The following LRRC72 variants were observed in gnomAD, a reference collection of about 807,000 sequenced individuals.
LRRC72 encodes the protein leucine rich repeat containing 72.
Under a neutral mutation model 35.8 loss-of-function variants are expected in LRRC72, and 41 were observed. The observed-to-expected ratio is 1.15, with a 90% CI of 0.89 to 1.49. LRRC72 has a LOEUF of 1.49. LRRC72 is among the 40% of genes most tolerant of loss of function. LRRC72 has a pLI of 0.00. For missense variants in LRRC72, 389 were observed against 330.7 expected (o/e 1.18, Z -1.37); for synonymous variants, 118 against 119.2 (o/e 0.99, Z 0.07).
chr7:16,554,011 G>A (rs1782602525), intron 3 of LRRC72, among the ~76,000 whole-genome samples: 1 of 152,174 alleles, frequency 6.6e-6, no homozygotes, highest in Non-Finnish European at 1.5e-5. Flanking sequence ...CAGTAATATA[G>A]ATTTCTCTAA....
rs117124777 is a variant in LRRC72, at chr7:16,542,228, C to G, written c.234+4532C>G. 1.6e-3 allele frequency among the ~76,000 whole-genome samples: 240 copies of G among 152,248 alleles called. 7 individuals carry two copies. In the East Asian group the frequency reaches 0.035, roughly 22 times the overall value. On this transcript the variant is annotated intron_variant, in intron 3 of 8. Transcript: ENST00000401542. ...ATTGAATATTCACAAAATGGACTTGCAGATGCACCTGCGCTTAGAAAGGGA... is the reference window on the plus strand; with the variant it reads ...ATTGAATATTCACAAAATGGACTTGGAGATGCACCTGCGCTTAGAAAGGGA...
At chr7:16,544,439 A>G (rs918892860) in intron 3 of LRRC72, among the ~76,000 whole-genome samples, 1 of 152,106 alleles carries the variant, frequency 6.6e-6, no homozygotes, top group Admixed American at 6.6e-5. Flanking sequence ...TTTTGAGATC[A>G]TGTTTTCCTA....
chr7:16,576,661 C>T (rs946357503), intron 7 of LRRC72, among the ~76,000 whole-genome samples: 4 of 152,144 alleles, frequency 2.6e-5, no homozygotes, highest in Admixed American at 1.3e-4. Context: ...ACCTGATTTG[C>T]AGATTTTTCA....
chr7:16,539,696 TGCTTCCCA>T (rs201080242), intron 3 of LRRC72, among the ~76,000 whole-genome samples: 1,985 of 152,318 alleles, frequency 0.013, 39 homozygotes, highest in African/African-American at 0.045. Context: ...CTTGATGCCC[TGCTTCCCA>T]GCCACTCCAG....
At chr7:16,537,254 G>A (rs1782273060) in intron 2 of LRRC72, 1 of 164,994 alleles carries the variant, frequency 6.1e-6, no homozygotes, top group Non-Finnish European at 1.3e-5. Context: ...ATTGAAGCAG[G>A]ACCCAGCTAC....
intron 3 of LRRC72, among the ~76,000 whole-genome samples, chr7:16,554,197 G>A (rs1782608751): frequency 1.3e-5 from 2 of 152,158 alleles, no homozygotes; most frequent in Non-Finnish European, 2.9e-5. Context: ...GGGTGCGGTG[G>A]CACACGCCTG....
At chr7:16,537,593 G>T in intron 2 of LRRC72, 34 bp from the exon 3 acceptor site, 1 of 1,325,090 alleles carries the variant, frequency 7.5e-7, no homozygotes, top group African/African-American at 1.5e-5. Flanking sequence ...TGAACTAATT[G>T]TTGCTAATGT....
At chr7:16,552,638 T>C (rs1251635698) in intron 3 of LRRC72, among the ~76,000 whole-genome samples, 1 of 152,122 alleles carries the variant, frequency 6.6e-6, no homozygotes, top group African/African-American at 2.4e-5. Flanking sequence ...GAACACCACC[T>C]AAGAGGTGGG....
chr7:16,556,892 G>C (rs1782658507), intron 3 of LRRC72, among the ~76,000 whole-genome samples: 1 of 152,110 alleles, frequency 6.6e-6, no homozygotes, highest in Non-Finnish European at 1.5e-5. Flanking sequence ...AGTGTACCAA[G>C]AAGAAAAGAC....
intron 2 of LRRC72, 165 bp downstream of exon 2, chr7:16,532,733 C>T (rs967447409): frequency 3.0e-6 from 2 of 673,062 alleles, no homozygotes; most frequent in African/African-American, 4.1e-5. Context: ...ATTGGAGAGA[C>T]AAGATACTGA....
chr7:16,576,975 A>G (rs1783053110), intron 7 of LRRC72, among the ~76,000 whole-genome samples: 1 of 152,260 alleles, frequency 6.6e-6, no homozygotes, highest in Non-Finnish European at 1.5e-5. Flanking sequence ...AAGGCAGGAC[A>G]CAATCCAGAG....
intron 7 of LRRC72, among the ~76,000 whole-genome samples, chr7:16,567,964 G>T (rs1463240490): frequency 6.6e-6 from 1 of 152,070 alleles, no homozygotes; most frequent in Non-Finnish European, 1.5e-5. Flanking sequence ...CTACCATGCA[G>T]AAATAAGCAC....
At chr7:16,550,172 G>A (rs966306682) in intron 3 of LRRC72, among the ~76,000 whole-genome samples, 3 of 151,856 alleles carry the variant, frequency 2.0e-5, no homozygotes, top group South Asian at 2.1e-4. Context: ...GACTGTGATC[G>A]CACCACTGCA....
chr7:16,526,848 T>C lies in LRRC72; in HGVS notation c.-105T>C. 1 of 883,184 alleles carries C rather than the reference T, an allele frequency of 1.1e-6. No individual in the cohort carries two copies. The highest frequency in any genetic ancestry group is 1.8e-6 in the Non-Finnish European group (1 of 555,530). 54.7% of individuals were successfully genotyped at this position (883,184 alleles called of 1,614,324 possible). ...TTAGTCAACGGGAATGCGGTAACTG[T>C]TGGTAACAGAACAACGAGCTGTGCA... On this transcript the variant is annotated 5_prime_UTR_variant, in exon 1 of 9. Coordinates refer to ENST00000401542, the MANE Select transcript of LRRC72 (RefSeq NM_001195280.2).
chr7:16,551,282 G>A (rs1782543651), intron 3 of LRRC72, among the ~76,000 whole-genome samples: 2 of 152,258 alleles, frequency 1.3e-5, no homozygotes, highest in Admixed American at 6.5e-5. Flanking sequence ...GACACTATTT[G>A]GGTTTAACGG....
At chr7:16,563,127 A>G (rs990822334) in intron 5 of LRRC72, among the ~76,000 whole-genome samples, 1 of 152,124 alleles carries the variant, frequency 6.6e-6, no homozygotes, top group Non-Finnish European at 1.5e-5. Context: ...TCTTTTTCCC[A>G]TATATTAAAA....
intron 3 of LRRC72, among the ~76,000 whole-genome samples, chr7:16,541,795 C>T (rs760002475): frequency 6.6e-6 from 1 of 152,160 alleles, no homozygotes; most frequent in Admixed American, 6.6e-5. Context: ...ACCTGTAATC[C>T]CAGCTACTCG....
chr7:16,549,841 T>C (rs1388215544), intron 3 of LRRC72, among the ~76,000 whole-genome samples: 1 of 150,072 alleles, frequency 6.7e-6, no homozygotes, highest in Non-Finnish European at 1.5e-5. Context: ...CCATATTTTA[T>C]TAATGTTTAG....
intron 3 of LRRC72, among the ~76,000 whole-genome samples, chr7:16,549,399 G>A (rs1229228740): frequency 6.6e-6 from 1 of 152,076 alleles, no homozygotes; most frequent in Non-Finnish European, 1.5e-5. Context: ...CAAAATCAAA[G>A]GGAGCCATGG....
Sources: gnomAD v4.1 joint callset for allele counts (sites outside exome capture counted in the v4.1 genomes callset) on GRCh38, gnomAD v4.1.1 for gene constraint, MANE v1.5 for transcripts, NCBI Gene and HGNC (gene_info 2026-07-23, HGNC 2026-07-21) for gene names.